PCDH15: variants seen among roughly 807,000 people sequenced by gnomAD.
PCDH15 encodes protocadherin related 15, also known as protocadherin-15.
A neutral mutation model predicts 178.5 loss-of-function variants in PCDH15; 129 were observed. The ratio of observed to expected loss-of-function variants is 0.72; its 90% CI spans 0.63 to 0.84. The LOEUF (loss-of-function observed/expected upper bound fraction) is 0.84. Ranked by LOEUF, PCDH15 falls within the 40% of genes least tolerant of loss-of-function variation. PCDH15 has a pLI of 0.00. For missense variants in PCDH15, 2,230 were observed against 2,099.9 expected (o/e 1.06, Z -1.21); for synonymous variants, 800 against 732.0 (o/e 1.09, Z -1.50).
At chr10:54,321,439 G>GTT (rs2061598351) in intron 7 of PCDH15, among the ~76,000 whole-genome samples, 1 of 150,826 alleles carries the variant, frequency 6.6e-6, no homozygotes, top group Non-Finnish European at 1.5e-5. Context: ...AATATTTTAT[G>GTT]TGATACATGA....
At chr10:54,196,749 G>A (rs1242427436) in intron 10 of PCDH15, among the ~76,000 whole-genome samples, 1 of 152,098 alleles carries the variant, frequency 6.6e-6, no homozygotes, top group Non-Finnish European at 1.5e-5. Context: ...AAGGTGGTGA[G>A]GGCAGAGCCC....
intron 3 of PCDH15, among the ~76,000 whole-genome samples, chr10:54,826,347 T>C (rs185744999): frequency 4.5e-4 from 69 of 152,104 alleles, no homozygotes; most frequent in African/African-American, 2.4e-5. Flanking sequence ...GTATGGTTAA[T>C]CATATCAAAG....
intron 28 of PCDH15, among the ~76,000 whole-genome samples, chr10:53,842,318 G>A (rs1237998394): frequency 6.6e-6 from 1 of 152,098 alleles, no homozygotes; most frequent in East Asian, 1.9e-4. Context: ...GTGCAATGGG[G>A]CAATCTCGGC....
chr10:54,170,422 A>G (rs991897271), intron 13 of PCDH15, among the ~76,000 whole-genome samples: 1 of 151,828 alleles, frequency 6.6e-6, no homozygotes, highest in Non-Finnish European at 1.5e-5. Context: ...CCACTGCATT[A>G]ATACTTTTAG....
At chr10:54,395,429 T>TAC (rs3069910) in intron 3 of PCDH15, among the ~76,000 whole-genome samples, 18,042 of 144,746 alleles carry the variant, frequency 0.12, 1,163 homozygotes, top group Admixed American at 0.22. Flanking sequence ...GTGCATGTAT[T>TAC]ACACACACAC....
intron 1 of PCDH15, among the ~76,000 whole-genome samples, chr10:54,771,521 T>C (rs1330356532): frequency 2.0e-5 from 3 of 152,136 alleles, no homozygotes; most frequent in African/African-American, 7.2e-5. Flanking sequence ...AATTGAGTGA[T>C]GAAAATATAC....
At chr10:54,292,920 C>T (rs540610459) in intron 8 of PCDH15, among the ~76,000 whole-genome samples, 2 of 152,230 alleles carry the variant, frequency 1.3e-5, no homozygotes, top group South Asian at 4.2e-4. Context: ...ATGCCATCCC[C>T]ATCAAGCTAC....
At chr10:54,068,986 G>A (rs17711455) in intron 17 of PCDH15, among the ~76,000 whole-genome samples, 32,066 of 151,982 alleles carry the variant, frequency 0.21, 3,589 homozygotes, top group Non-Finnish European at 0.25. Context: ...CATTTTCCTC[G>A]TTACTTTTAT....
intron 23 of PCDH15, among the ~76,000 whole-genome samples, chr10:53,955,574 G>C (rs1333293215): frequency 2.6e-5 from 4 of 152,126 alleles, no homozygotes; most frequent in Non-Finnish European, 5.9e-5. Context: ...ACATTCCTGA[G>C]ATGTAAAAGC....
rs375449243 is a variant in PCDH15, at chr10:54,815,345, C to T, written c.-29+82105G>A. 7.2e-5 allele frequency among the ~76,000 whole-genome samples: 11 copies of T among 151,918 alleles called. 1 individual carries two copies. The highest frequency in any genetic ancestry group is 1.9e-4 in the African/African-American group (8 of 41,460). On this transcript the variant is annotated intron_variant, in intron 3 of 5. Transcript: ENST00000458638. ...TATCAAAATTTGGGCACACAAAGAC[C>T]GTACATGGCACCATTCACAGTTAAG... is the stretch of plus-strand genomic sequence containing the variant.
intron 5 of PCDH15, among the ~76,000 whole-genome samples, chr10:54,359,464 T>G (rs138513807): frequency 3.8e-4 from 58 of 152,124 alleles, no homozygotes; most frequent in African/African-American, 1.4e-3. Flanking sequence ...GTTCTCATAT[T>G]ATTTAAATAA....
chr10:54,604,769 A>G (rs538874692), intron 2 of PCDH15, among the ~76,000 whole-genome samples: 2 of 151,906 alleles, frequency 1.3e-5, no homozygotes, highest in Middle Eastern at 3.4e-3. Context: ...AGGATTTACT[A>G]TTGAAATTTT....
chr10:54,579,181 A>T (rs1462377257), intron 2 of PCDH15, among the ~76,000 whole-genome samples: 1 of 152,040 alleles, frequency 6.6e-6, no homozygotes, highest in Non-Finnish European at 1.5e-5. Context: ...CAAACACCCC[A>T]CTTAGAAGGC....
intron 2 of PCDH15, among the ~76,000 whole-genome samples, chr10:55,428,278 T>C (rs1838803567): frequency 6.6e-6 from 1 of 151,998 alleles, no homozygotes; most frequent in Non-Finnish European, 1.5e-5. Context: ...AATTTAAGAA[T>C]ATAATTGTGT....
chr10:54,820,534 T>G (rs1432272336), intron 3 of PCDH15, among the ~76,000 whole-genome samples: 1 of 152,092 alleles, frequency 6.6e-6, no homozygotes, highest in Admixed American at 6.6e-5. Context: ...AATAAATAAA[T>G]TTTAAATTCT....
At chr10:54,677,147 G>C (rs1487192430) in intron 1 of PCDH15, among the ~76,000 whole-genome samples, 1 of 152,086 alleles carries the variant, frequency 6.6e-6, no homozygotes. Flanking sequence ...CAACATAAAA[G>C]AATGGATTGA....
intron 2 of PCDH15, among the ~76,000 whole-genome samples, chr10:55,009,250 ATGTGTG>A (rs5785109): frequency 2.0e-5 from 3 of 149,356 alleles, no homozygotes; most frequent in Admixed American, 6.7e-5. Flanking sequence ...GCACGCACAG[ATGTGTG>A]TGTGTGTGTG....
At chr10:55,349,146 G>A (rs1844841486) in intron 2 of PCDH15, among the ~76,000 whole-genome samples, 1 of 152,072 alleles carries the variant, frequency 6.6e-6, no homozygotes, top group Non-Finnish European at 1.5e-5. Context: ...TGTTTCTTCT[G>A]TAGTCATGGA....
chr10:54,041,174 C>A (rs1234373142), intron 18 of PCDH15, among the ~76,000 whole-genome samples: 1 of 152,086 alleles, frequency 6.6e-6, no homozygotes, highest in Non-Finnish European at 1.5e-5. Context: ...TTCTAATGGG[C>A]ACAAAATGTG....
Sources: allele counts gnomAD v4.1 joint callset (sites outside exome capture counted in the v4.1 genomes callset), GRCh38; gene constraint gnomAD v4.1.1; transcripts MANE v1.5; gene names NCBI Gene and HGNC (gene_info 2026-07-23, HGNC 2026-07-21).